The following USH1C variants were observed in gnomAD, a reference collection of about 807,000 sequenced individuals.
USH1C encodes harmonin.
A neutral mutation model predicts 119.3 loss-of-function variants in USH1C; 90 were observed. The ratio of observed to expected loss-of-function variants is 0.75; its 90% confidence interval spans 0.64 to 0.90. The LOEUF (loss-of-function observed/expected upper bound fraction) is 0.90, where lower values mean the gene tolerates loss of function less well. Ranked by LOEUF, USH1C falls within the 40% of genes least tolerant of loss-of-function variation. The probability of loss-of-function intolerance (pLI) is 0.00; values close to 1 mark genes in which losing one functional copy is unlikely to be tolerated. For synonymous variants in USH1C, 465 were observed against 443.3 expected, an observed-to-expected ratio of 1.05 and a Z score of -0.62; for missense variants, 1,165 against 1,167.7, an observed-to-expected ratio of 1.00 and a Z score of 0.03.
In USH1C at chr11:17,526,970, C is replaced by T. The variant is rs1193761852; in HGVS notation, c.521+46G>A. On this transcript the variant is annotated intron_variant, in intron 6 of 26. Coordinates refer to ENST00000005226, the MANE Select transcript of USH1C (RefSeq NM_153676.4). Reference sequence around the variant, plus strand: ...CGGACCCCAGGGCTGTACCAGGATCCTGGGCCCACAGGGAAGAGTTGGCCT... The same window carrying T: ...CGGACCCCAGGGCTGTACCAGGATCTTGGGCCCACAGGGAAGAGTTGGCCT... 6 of 1,563,560 alleles carry T rather than the reference C, an allele frequency of 3.8e-6. No homozygotes were observed. In the Admixed American group the frequency reaches 9.6e-5, roughly 25 times the overall value.
chr11:17,496,023 A>G (rs1480271190), intron 25 of USH1C, among the ~76,000 whole-genome samples: 6 of 152,126 alleles, frequency 3.9e-5, no homozygotes, highest in African/African-American at 9.7e-5. Flanking sequence ...ACAAAGAGGT[A>G]AGAATGGATG....
At chr11:17,534,259 GA>G (rs1449106656) in intron 1 of USH1C, among the ~76,000 whole-genome samples, 1 of 152,244 alleles carries the variant, frequency 6.6e-6, no homozygotes, top group Admixed American at 6.5e-5. Flanking sequence ...CTCGTCCTCA[GA>G]AGAGGGCCAG....
At chr11:17,529,867 C>T (rs1226612997) in intron 4 of USH1C, among the ~76,000 whole-genome samples, 3 of 152,240 alleles carry the variant, frequency 2.0e-5, no homozygotes, top group Admixed American at 1.3e-4. Flanking sequence ...CCAACGCCCC[C>T]AGTCATCGAG....
intron 1 of USH1C, 102 bp downstream of exon 1, chr11:17,544,170 T>C: frequency 2.0e-6 from 3 of 1,506,594 alleles, no homozygotes; most frequent in Non-Finnish European, 2.8e-6. Context: ...AGCCATCAGG[T>C]GGGGCCGGAA....
At chr11:17,526,607 G>T in intron 7 of USH1C, 146 bp downstream of exon 7, 1 of 1,130,526 alleles carries the variant, frequency 8.8e-7, no homozygotes. Context: ...GAGGGCTGCT[G>T]CCCCACAGCG....
At chr11:17,494,837 C>T (rs1262537966) in intron 26 of USH1C, 1 of 273,218 alleles carries the variant, frequency 3.7e-6, no homozygotes, top group African/African-American at 2.2e-5. Context: ...TTCACAGCCA[C>T]CTGCCAGCTC....
chr11:17,533,596 G>A (rs764109520), intron 1 of USH1C: 26 of 588,368 alleles, frequency 4.4e-5, no homozygotes, highest in East Asian at 6.4e-5. Context: ...GTGCACACAC[G>A]GGGATGAACA....
At chr11:17,498,886 AG>A (rs1849338082) in intron 23 of USH1C, among the ~76,000 whole-genome samples, 1 of 152,216 alleles carries the variant, frequency 6.6e-6, no homozygotes, top group Non-Finnish European at 1.5e-5. Context: ...CCACGTGGGC[AG>A]GGATTGTCTT....
In USH1C at chr11:17,494,336, C is replaced by A. The variant is rs148376296; in HGVS notation, c.2696G>T (p.Arg899Leu). Reference protein sequence around the residue: ...LKSKRGNQIHR With the variant: ...LKSKRGNQIHL Reference sequence around the variant, plus strand: ...GGGGCCGGAGCTCACTGTTTCCTAACGGTGAATTTGGTTTCCCCTTTTGGA... The same window carrying A: ...GGGGCCGGAGCTCACTGTTTCCTAAAGGTGAATTTGGTTTCCCCTTTTGGA... Residue 899 changes from arginine to leucine, a missense_variant, in exon 27 of 27, where the codon CGT (arginine) becomes CTT (leucine). Transcript: ENST00000005226. The A allele has an allele frequency of 3.3e-4, 527 of 1,607,796 alleles. 2 individuals carry two copies. The highest frequency in any genetic ancestry group is 4.2e-4 in the Non-Finnish European group (496 of 1,177,084).
chr11:17,496,288 C>T (rs1169588272), intron 25 of USH1C, among the ~76,000 whole-genome samples: 2 of 152,124 alleles, frequency 1.3e-5, no homozygotes. Flanking sequence ...GGCCAAAGCT[C>T]CCTGGAGATC....
chr11:17,520,417 C>T (rs1200610530), intron 14 of USH1C, among the ~76,000 whole-genome samples: 25 of 152,126 alleles, frequency 1.6e-4, no homozygotes, highest in Non-Finnish European at 5.9e-5. Context: ...AAGCTCCTCC[C>T]ACAGTTATGA....
chr11:17,518,533 G>A (rs556082067), intron 14 of USH1C, among the ~76,000 whole-genome samples: 2 of 152,358 alleles, frequency 1.3e-5, no homozygotes, highest in African/African-American at 2.4e-5. Context: ...AGGAGCCTCT[G>A]TGGTGGTGTC....
At chr11:17,541,073 T>C (rs1851445817) in intron 1 of USH1C, among the ~76,000 whole-genome samples, 1 of 152,178 alleles carries the variant, frequency 6.6e-6, no homozygotes, top group Non-Finnish European at 1.5e-5. Flanking sequence ...CTTTAGGGAA[T>C]GCTCTTCTAC....
At chr11:17,536,679 C>G (rs1293341644) in intron 1 of USH1C, among the ~76,000 whole-genome samples, 2 of 152,208 alleles carry the variant, frequency 1.3e-5, no homozygotes, top group Non-Finnish European at 2.9e-5. Context: ...AAACCCTGTC[C>G]TCAGTTCTGC....
intron 14 of USH1C, among the ~76,000 whole-genome samples, chr11:17,518,124 CT>C (rs1181936466): frequency 6.6e-6 from 1 of 152,246 alleles, no homozygotes; most frequent in Non-Finnish European, 1.5e-5. Context: ...TTGTGAGCTG[CT>C]TTTTAATATT....
At chr11:17,506,805 C>T (rs111929845) in intron 18 of USH1C, among the ~76,000 whole-genome samples, 17 of 152,330 alleles carry the variant, frequency 1.1e-4, no homozygotes, top group Admixed American at 5.2e-4. Flanking sequence ...GTGCTTCCTC[C>T]GTCTCCACGC....
chr11:17,540,794 G>A (rs960841853), intron 1 of USH1C, among the ~76,000 whole-genome samples: 1 of 152,104 alleles, frequency 6.6e-6, no homozygotes, highest in Non-Finnish European at 1.5e-5. Context: ...CTGGGCTCCT[G>A]CAGGAGCCTC....
At position 17,531,552 on chromosome 11, in the gene USH1C, T is replaced by C; in HGVS notation, c.105-10A>G. On this transcript the variant is annotated splice_polypyrimidine_tract_variant and intron_variant, in intron 2 of 26. Transcript: ENST00000005226. This position sits in a 1 kb window ranked among gnomAD's most constrained non-coding sequence, Gnocchi z 4.2. ...GGCCACGTCCATGGTCCTGTGGAGA[T>C]GCCGGGAATGCCTGGAGCCTCACCC... 6.2e-7 allele frequency: 1 copy of C among 1,612,366 alleles called. No homozygotes were observed.
At chr11:17,508,735 G>A (rs1439286170) in intron 18 of USH1C, among the ~76,000 whole-genome samples, 1 of 152,068 alleles carries the variant, frequency 6.6e-6, no homozygotes, top group African/African-American at 2.4e-5. Context: ...ATTATTTCTA[G>A]GAACTCTCTC....
Sources: gnomAD v4.1 joint callset for allele counts (sites outside exome capture counted in the v4.1 genomes callset) on GRCh38, gnomAD v4.1.1 for gene constraint, Gnocchi (gnomAD v3.1) non-coding constraint, MANE v1.5 for transcripts, NCBI Gene and HGNC (gene_info 2026-07-23, HGNC 2026-07-21) for gene names.